The following APBB2 variants were observed in gnomAD, a reference collection of about 807,000 sequenced individuals.
APBB2 encodes the protein Fe65-like 1.
In APBB2, 38 loss-of-function variants were observed where a neutral mutation model predicts 82.5. The observed-to-expected ratio is 0.46, with a 90% CI of 0.36 to 0.60. The LOEUF (loss-of-function observed/expected upper bound fraction) is 0.60, where lower values mean the gene tolerates loss of function less well. APBB2 is among the 20% of genes least tolerant of loss of function. The pLI, the probability that APBB2 is intolerant of heterozygous loss-of-function variation, is 0.00. For synonymous variants in APBB2, 341 were observed against 368.2 expected (o/e 0.93, Z 0.85); for missense variants, 772 against 972.3 (o/e 0.79, Z 2.74).
rs192400982 is a variant in APBB2, at chr4:41,067,443, G to A, written c.-148-1770C>T. Among the ~76,000 whole-genome samples, 954 of 152,022 alleles carry A rather than the reference G, an allele frequency of 6.3e-3. 12 individuals are homozygous for A. The highest frequency in any genetic ancestry group is 0.02 in the African/African-American group (844 of 41,480). ...AAAAAAAAGAGAGAGAAATTGAAGC[G>A]TGGAAGATTCAGGGGGAGATACTGA... is the stretch of plus-strand genomic sequence containing the variant. On this transcript the variant is annotated intron_variant, in intron 3 of 17. Transcript: ENST00000508593.
At chr4:40,935,763 T>A (rs1051023596) in intron 7 of APBB2, 1 of 148,014 alleles carries the variant, frequency 6.8e-6, no homozygotes, top group African/African-American at 2.5e-5. Flanking sequence ...AAGCTCTACT[T>A]TTTTTTTTTT....
At chr4:40,881,140 T>A in intron 12 of APBB2, 2 of 985,372 alleles carry the variant, frequency 2.0e-6, no homozygotes, top group Non-Finnish European at 2.4e-6. Flanking sequence ...AGCAAAACGG[T>A]CAAGTAAATC....
intron 17 of APBB2, among the ~76,000 whole-genome samples, chr4:40,817,693 CTTAAATA>C (rs1394064054): frequency 6.6e-6 from 1 of 152,014 alleles, no homozygotes; most frequent in Non-Finnish European, 1.5e-5. Flanking sequence ...AAAAAATCAA[CTTAAATA>C]TTAACAGGCT....
chr4:40,895,095 C>A (rs1318316422), intron 10 of APBB2, among the ~76,000 whole-genome samples: 1 of 152,152 alleles, frequency 6.6e-6, no homozygotes, highest in African/African-American at 2.4e-5. Context: ...TGATCATATT[C>A]GGTCAAGGGC....
rs1006082 is a variant in APBB2 at position 41,033,842 on chromosome 4, A to C, written c.-50-538T>G. Among the ~76,000 whole-genome samples the C allele has an allele frequency of 1.5e-3, 234 of 152,328 alleles. 5 individuals carry two copies. The East Asian group carries it at 0.029, about 19-fold the overall frequency. ...ATATGAACAAGTCTGTAGGAGAATA[A>C]GAAAAGAAACAAGTCCCAAGAGAAA... is the stretch of plus-strand genomic sequence containing the variant. On this transcript the variant is annotated intron_variant, in intron 4 of 17. Coordinates refer to ENST00000508593, the MANE Select transcript of APBB2 (RefSeq NM_004307.2).
intron 10 of APBB2, among the ~76,000 whole-genome samples, chr4:40,898,212 G>A (rs1293424067): frequency 6.6e-6 from 1 of 152,180 alleles, no homozygotes; most frequent in Non-Finnish European, 1.5e-5. Context: ...AAAATGCTTA[G>A]CATCATGCCT....
chr4:40,858,180 TTAAG>T (rs992892620), intron 12 of APBB2, among the ~76,000 whole-genome samples: 1 of 152,116 alleles, frequency 6.6e-6, no homozygotes, highest in African/African-American at 2.4e-5. Flanking sequence ...TTTCAGCACT[TTAAG>T]TAAGAGTCCT....
intron 1 of APBB2, among the ~76,000 whole-genome samples, chr4:41,154,646 T>A (rs1479787839): frequency 6.6e-6 from 1 of 152,180 alleles, no homozygotes; most frequent in Non-Finnish European, 1.5e-5. Context: ...TTTATCAGGA[T>A]CTCTTGAAAT....
intron 3 of APBB2, among the ~76,000 whole-genome samples, chr4:41,098,910 A>C (rs1055314762): frequency 1.2e-4 from 19 of 152,212 alleles, no homozygotes; most frequent in Non-Finnish European, 2.6e-4. Context: ...TCCTTTTTCA[A>C]ATATCCTTCC....
intron 2 of APBB2, among the ~76,000 whole-genome samples, chr4:41,128,508 A>T (rs1755060164): frequency 6.6e-6 from 1 of 152,266 alleles, no homozygotes; most frequent in African/African-American, 2.4e-5. Context: ...AAGCCCTGTA[A>T]AAGAATATCT....
chr4:40,829,842 G>A (rs1029660963), intron 13 of APBB2, among the ~76,000 whole-genome samples: 2 of 152,138 alleles, frequency 1.3e-5, no homozygotes, highest in African/African-American at 4.8e-5. Context: ...CTCCCAGCTG[G>A]ACAGGGTGCT....
Position 41,014,095 on chromosome 4 carries a change from C to A in APBB2, c.323G>T (p.Arg108Leu). 6.2e-7 allele frequency: 1 copy of A among 1,614,172 alleles called. No individual in the cohort carries two copies. The highest frequency in any genetic ancestry group is 8.5e-7 in the Non-Finnish European group (1 of 1,180,030). Residue 108 changes from arginine (R) to leucine (L), a missense_variant, in exon 6 of 18, where the codon CGT (arginine) becomes CTT (leucine). Arg to Leu is a moderately radical substitution (Grantham distance 102, BLOSUM62 -2). Coordinates refer to ENST00000508593, the MANE Select transcript of APBB2 (RefSeq NM_004307.2). ...KLVKNGENQL[R>L]KAAEQGQQDP... The stretch of plus-strand genomic sequence containing the variant: ...CTGCTGCCCTTGCTCTGCAGCCTTA[C>A]GGAGCTGGTTCTCCCCATTTTTCAC...
At chr4:40,820,951 C>A (rs1747710441) in intron 17 of APBB2, among the ~76,000 whole-genome samples, 1 of 152,118 alleles carries the variant, frequency 6.6e-6, no homozygotes, top group South Asian at 2.1e-4. Flanking sequence ...TCACTGCAAC[C>A]TCTGCCTCTC....
At chr4:40,982,241 A>AGAAAGAAG (rs1798768620) in intron 6 of APBB2, among the ~76,000 whole-genome samples, 1 of 8,890 alleles carries the variant, frequency 1.1e-4, no homozygotes, top group Non-Finnish European at 2.6e-4. Context: ...AAAGAAAGAA[A>AGAAAGAAG]GAAAGAAAGA....
chr4:40,908,200 G>A (rs1172754461), intron 10 of APBB2, among the ~76,000 whole-genome samples: 1 of 152,070 alleles, frequency 6.6e-6, no homozygotes, highest in African/African-American at 2.4e-5. Context: ...CACAAACCCG[G>A]GAGAGCGGCC....
intron 12 of APBB2, among the ~76,000 whole-genome samples, chr4:40,859,483 G>A (rs894494530): frequency 9.2e-5 from 14 of 151,996 alleles, no homozygotes; most frequent in Non-Finnish European, 2.9e-5. Context: ...GGGATTAGAG[G>A]CATGAGCCAC....
At chr4:41,112,933 G>C (rs956382153) in intron 2 of APBB2, among the ~76,000 whole-genome samples, 1 of 152,040 alleles carries the variant, frequency 6.6e-6, no homozygotes, top group African/African-American at 2.4e-5. Context: ...GTTGCAGTGA[G>C]CCGAGATTGC....
chr4:40,907,300 T>C (rs1458202659), intron 10 of APBB2, among the ~76,000 whole-genome samples: 3 of 148,950 alleles, frequency 2.0e-5, no homozygotes, highest in Non-Finnish European at 4.4e-5. Flanking sequence ...AATGGGGCTC[T>C]ACTCCAATAG....
At chr4:41,167,934 C>G (rs1257898154) in intron 1 of APBB2, among the ~76,000 whole-genome samples, 2 of 152,238 alleles carry the variant, frequency 1.3e-5, no homozygotes, top group African/African-American at 4.8e-5. Context: ...CAGCCTACCA[C>G]AAGGTCAGGA....
Sources: gnomAD v4.1 joint callset for allele counts (sites outside exome capture counted in the v4.1 genomes callset) on GRCh38, gnomAD v4.1.1 for gene constraint, MANE v1.5 for transcripts, NCBI Gene and HGNC (gene_info 2026-07-23, HGNC 2026-07-21) for gene names.